The following HHIP variants were observed in gnomAD, a reference collection of about 807,000 sequenced individuals.
HHIP encodes the protein hedgehog interacting protein.
HHIP carries 12 observed loss-of-function variants against 74.0 expected under a neutral mutation model. That is an observed-to-expected ratio of 0.16 (90% CI 0.10 to 0.26). The LOEUF (loss-of-function observed/expected upper bound fraction) is 0.26, where lower values mean the gene tolerates loss of function less well. Ranked by LOEUF, HHIP falls within the 10% of genes least tolerant of loss-of-function variation. The pLI, the probability that HHIP is intolerant of heterozygous loss-of-function variation, is 1.00. For synonymous variants in HHIP, 309 were observed against 311.6 expected, an observed-to-expected ratio of 0.99 and a Z score of 0.09; for missense variants, 788 against 845.0, an observed-to-expected ratio of 0.93 and a Z score of 0.84.
intron 4 of HHIP, among the ~76,000 whole-genome samples, chr4:144,703,027 G>A (rs1378982530): frequency 2.0e-5 from 3 of 152,062 alleles, no homozygotes; most frequent in Non-Finnish European, 4.4e-5. Context: ...GACCAGCCTG[G>A]CCAACATGGT....
intron 11 of HHIP, among the ~76,000 whole-genome samples, chr4:144,725,658 G>A (rs528408669): frequency 1.8e-4 from 25 of 142,596 alleles, no homozygotes; most frequent in Middle Eastern, 3.4e-3. Context: ...GGGTGTGTGC[G>A]CGTGCGTGTG....
chr4:144,670,763 T>A (rs1729016378), intron 4 of HHIP, among the ~76,000 whole-genome samples: 2 of 51,918 alleles, frequency 3.9e-5, no homozygotes, highest in East Asian at 4.4e-4. Context: ...GCTTAAGATT[T>A]GAAAAAAAAA....
In HHIP at chr4:144,708,222, G is replaced by T. The variant is rs751893287; in HGVS notation, c.1212G>T (p.Val404=). ...RLDVDTDMCN[V]PYSIPRSNPH... ...ATGTGGACACAGACATGTGCAACGT[G>T]CCTTATTCCATACCAAGGAGCAACC... is the stretch of plus-strand genomic sequence containing the variant. The change falls in exon 7 of 13, where the codon GTG becomes GTT. Residue 404 remains valine (V), a synonymous_variant. Transcript: ENST00000296575. 1 of 1,614,084 alleles carries T rather than the reference G, an allele frequency of 6.2e-7. No homozygotes were observed. The highest frequency in any genetic ancestry group is 1.1e-5 in the South Asian group (1 of 91,078).
chr4:144,663,286 T>C (rs760876251), intron 4 of HHIP, among the ~76,000 whole-genome samples: 4 of 151,646 alleles, frequency 2.6e-5, no homozygotes, highest in Non-Finnish European at 5.9e-5. Flanking sequence ...AGAGCGAGAC[T>C]CCATTTCAAA....
chr4:144,743,974 A>G lies in HHIP; in HGVS notation c.*6017A>G, dbSNP rs1731326279. On this transcript the variant is annotated 3_prime_UTR_variant, in exon 13 of 13. Coordinates refer to ENST00000296575, the MANE Select transcript of HHIP (RefSeq NM_022475.3). The stretch of plus-strand genomic sequence containing the variant: ...CATGATTTTTCTGGAACAAATTAAG[A>G]TTTCATGTACAATAGAGTCCCTTTC... The G allele has an allele frequency of 6.6e-6, 1 of 152,154 alleles. No individual in the cohort carries two copies. Among genetic ancestry groups the G allele is most frequent in the African/African-American group, 2.4e-5 (1 of 41,468 alleles). 9.4% of individuals were successfully genotyped at this position (152,154 alleles called of 1,614,324 possible). A position where few individuals can be genotyped will look rare whatever the true frequency, so the allele number is the denominator to read the frequency against.
At chr4:144,709,425 C>A (rs891773368) in intron 7 of HHIP, among the ~76,000 whole-genome samples, 1 of 152,154 alleles carries the variant, frequency 6.6e-6, no homozygotes, top group Admixed American at 6.5e-5. Context: ...AGCTTTCTCA[C>A]AACCTTCCTG....
Position 144,715,361 on chromosome 4 carries a change from C to G in HHIP, c.1609C>G (p.Leu537Val). 1 of 1,613,514 alleles carries G rather than the reference C, an allele frequency of 6.2e-7. No individual in the cohort carries two copies. Among genetic ancestry groups the G allele is most frequent in the South Asian group, 1.1e-5 (1 of 91,060 alleles). The part of the protein sequence containing the change: ...TKQWQEKPLC[L>V]GTSGSCRGYF... ...GCAGTGGCAAGAAAAACCACTCTGT[C>G]TCGGCACTAGTGGGTCCTGTAGAGG... Residue 537 changes from leucine to valine, a missense_variant, in exon 10 of 13, where the codon CTC (leucine) becomes GTC (valine). Leu to Val is a conservative substitution (Grantham distance 32). Transcript: ENST00000296575.
intron 12 of HHIP, among the ~76,000 whole-genome samples, chr4:144,735,218 C>T (rs1325407505): frequency 2.0e-5 from 3 of 152,144 alleles, no homozygotes; most frequent in Non-Finnish European, 4.4e-5. Context: ...TCACACTAGC[C>T]AATGACTTAG....
In HHIP at chr4:144,742,815, ATGGTTATATATATT is replaced by A. The variant is rs1054465109; in HGVS notation, c.*4872_*4885del. The A allele has an allele frequency of 2.1e-5, 3 of 145,286 alleles. No individual in the cohort carries two copies. Among genetic ancestry groups the A allele is most frequent in the Non-Finnish European group, 3.0e-5 (2 of 66,642 alleles). The allele number at this position is 145,286 out of a possible 1,614,324, so 9.0% of individuals were successfully genotyped here. A position where few individuals can be genotyped will look rare whatever the true frequency, so the allele number is the denominator to read the frequency against. ...ATTGGTCATATATATATTTATATAT[ATGGTTATATATATT>A]TGGTTATATATATATCTTTATATAT... On this transcript the variant is annotated 3_prime_UTR_variant, in exon 13 of 13. Transcript: ENST00000296575.
At position 144,708,290 on chromosome 4, in the gene HHIP, A is replaced by C; in HGVS notation, c.1280A>C (p.His427Pro). Residue 427 changes from histidine to proline, a missense_variant, in exon 7 of 13, where the codon CAT becomes CCT. His to Pro is a moderately conservative substitution (Grantham distance 77, BLOSUM62 -2). Around this residue, in one of 3 missense-constraint regions of HHIP, gnomAD observed 343 missense variants for 347.9 expected, o/e 0.99. Coordinates refer to ENST00000296575, the MANE Select transcript of HHIP (RefSeq NM_022475.3). The part of the protein sequence containing the change: ...STNQPPEVFA[H>P]GLHDPGRCAV... ...AACCAGCCCCCCGAAGTGTTTGCTC[A>C]TGGGCTCCACGATCCAGGCAGGTGA... 6.2e-7 allele frequency: 1 copy of C among 1,614,128 alleles called. No homozygotes were observed.
rs373175650 is a variant in HHIP at position 144,674,981 on chromosome 4, T to C, written c.831+15143T>C. Among the ~76,000 whole-genome samples, 4 of 152,320 alleles carry C rather than the reference T, an allele frequency of 2.6e-5. No individual in the cohort carries two copies. The East Asian group carries it at 5.8e-4, about 22-fold the overall frequency. On this transcript the variant is annotated intron_variant, in intron 4 of 12. Transcript: ENST00000296575. ...TAACCTTTGTGTTTCTAATTCTAAA[T>C]TTCTGGGAGGCAGTTAGTCACATTG...
At chr4:144,729,223 A>G (rs369013915) in intron 11 of HHIP, among the ~76,000 whole-genome samples, 1 of 152,120 alleles carries the variant, frequency 6.6e-6, no homozygotes, top group African/African-American at 2.4e-5. Flanking sequence ...ACCCTTTTTT[A>G]GGTAAAAGTG....
intron 2 of HHIP, among the ~76,000 whole-genome samples, chr4:144,657,002 G>A (rs367923218): frequency 2.6e-5 from 4 of 151,660 alleles, no homozygotes; most frequent in East Asian, 1.9e-4. Context: ...GCCCCCCACC[G>A]CATGCATGTA....
intron 4 of HHIP, among the ~76,000 whole-genome samples, chr4:144,690,753 A>G (rs1436141127): frequency 6.8e-6 from 1 of 148,014 alleles, no homozygotes; most frequent in African/African-American, 2.5e-5. Context: ...GAAGAGGCAA[A>G]GTAAAATGAC....
At chr4:144,655,874 T>C (rs1728546041) in intron 2 of HHIP, among the ~76,000 whole-genome samples, 1 of 152,082 alleles carries the variant, frequency 6.6e-6, no homozygotes, top group African/African-American at 2.4e-5. Flanking sequence ...ATTTTATACG[T>C]CAGTATTTAT....
At chr4:144,709,381 A>G (rs112177398) in intron 7 of HHIP, among the ~76,000 whole-genome samples, 1 of 152,158 alleles carries the variant, frequency 6.6e-6, no homozygotes, top group Non-Finnish European at 1.5e-5. Context: ...AACACTTTGA[A>G]GTCAGGCAGC....
At chr4:144,675,756 TA>T (rs796605620) in intron 4 of HHIP, among the ~76,000 whole-genome samples, 1 of 152,184 alleles carries the variant, frequency 6.6e-6, no homozygotes, top group Non-Finnish European at 1.5e-5. Flanking sequence ...TAAACTTTTC[TA>T]AAAAATTACA....
intron 12 of HHIP, among the ~76,000 whole-genome samples, chr4:144,737,173 C>A (rs1020357751): frequency 6.6e-6 from 1 of 152,212 alleles, no homozygotes; most frequent in Admixed American, 6.5e-5. Context: ...TGCTGGCCAA[C>A]TGCACTGACT....
At chr4:144,656,800 T>G (rs927523995) in intron 2 of HHIP, among the ~76,000 whole-genome samples, 2 of 148,734 alleles carry the variant, frequency 1.3e-5, no homozygotes, top group Non-Finnish European at 3.0e-5. Flanking sequence ...AACAATTTAG[T>G]TTTTTTTTTC....
Sources: gnomAD v4.1 joint callset for allele counts (sites outside exome capture counted in the v4.1 genomes callset) on GRCh38, gnomAD v4.1.1 for gene constraint, gnomAD v4.1.1 regional missense constraint, MANE v1.5 for transcripts, NCBI Gene and HGNC (gene_info 2026-07-23, HGNC 2026-07-21) for gene names.